The following VPS50 variants were observed in gnomAD, a reference collection of about 807,000 sequenced individuals.
The protein encoded by VPS50 is syndetin.
Under a neutral mutation model 139.7 loss-of-function variants are expected in VPS50, and 70 were observed. That is an observed-to-expected ratio of 0.50 (90% CI 0.41 to 0.61). VPS50 has a LOEUF of 0.61. Ranked by LOEUF, VPS50 falls within the 20% of genes least tolerant of loss-of-function variation. The pLI is 0.00. For missense variants in VPS50, 921 were observed against 1,133.7 expected, an observed-to-expected ratio of 0.81 and a Z score of 2.69; for synonymous variants, 365 against 376.7, an observed-to-expected ratio of 0.97 and a Z score of 0.36.
intron 19 of VPS50, among the ~76,000 whole-genome samples, chr7:93,310,223 A>G (rs1797228261): frequency 6.6e-6 from 1 of 152,024 alleles, no homozygotes; most frequent in Admixed American, 6.6e-5. Context: ...GGAGCCCCCT[A>G]AACTTTTTAC....
intron 14 of VPS50, among the ~76,000 whole-genome samples, chr7:93,295,847 C>G (rs958956521): frequency 1.3e-5 from 2 of 152,058 alleles, no homozygotes; most frequent in African/African-American, 4.8e-5. Context: ...GCCTCAGCCT[C>G]CTGAGTAGCT....
rs770973729 is a variant in VPS50, at chr7:93,240,261, TC to T, written c.102+328del. Among the ~76,000 whole-genome samples, 160 of 146,790 alleles carry T rather than the reference TC, an allele frequency of 1.1e-3. 1 individual carries two copies. The highest frequency in any genetic ancestry group is 3.5e-3 in the African/African-American group (136 of 38,520). On this transcript the variant is annotated intron_variant, in intron 2 of 27. Coordinates refer to ENST00000305866, the MANE Select transcript of VPS50 (RefSeq NM_017667.4). ...CACACACACACACACTCTCTCTCTC[TC>T]TCTCTCTCATTGATTTATCTGCTGT...
intron 16 of VPS50, among the ~76,000 whole-genome samples, chr7:93,297,589 G>A (rs1796847713): frequency 6.6e-6 from 1 of 152,140 alleles, no homozygotes; most frequent in South Asian, 2.1e-4. Flanking sequence ...AGTTAAATCA[G>A]TAGAGGCAGT....
At chr7:93,289,447 A>C (rs1796586548) in intron 12 of VPS50, among the ~76,000 whole-genome samples, 1 of 152,002 alleles carries the variant, frequency 6.6e-6, no homozygotes, top group Admixed American at 6.6e-5. Context: ...TATGTTGTGA[A>C]TATTTTACAG....
In VPS50 at chr7:93,360,595, A is replaced by G. The variant is rs1286072354; in HGVS notation, c.*2159A>G. On this transcript the variant is annotated 3_prime_UTR_variant, in exon 28 of 28. Transcript: ENST00000305866. ...ATTTTATGAAACTAATTTTCAGATA[A>G]ATACAATTGAAAAGCTGAGAATGTA... 2 of 152,028 alleles carry G rather than the reference A, an allele frequency of 1.3e-5. No homozygotes were observed. Among genetic ancestry groups the G allele is most frequent in the Non-Finnish European group, 2.9e-5 (2 of 67,976 alleles). 9.4% of individuals were successfully genotyped at this position (152,028 alleles called of 1,614,324 possible).
chr7:93,241,442 A>G (rs562820955), intron 2 of VPS50, among the ~76,000 whole-genome samples: 3 of 152,224 alleles, frequency 2.0e-5, no homozygotes, highest in African/African-American at 7.2e-5. Context: ...TTTAGCACAT[A>G]CTAAGAAGCT....
chr7:93,323,869 T>C (rs1216648480), intron 21 of VPS50, 137 bp downstream of exon 21: 1 of 385,294 alleles, frequency 2.6e-6, no homozygotes, highest in East Asian at 4.1e-5. Flanking sequence ...AAATTATTGA[T>C]ATCAGCCTTC....
chr7:93,345,340 G>T (rs1422966553), intron 23 of VPS50, among the ~76,000 whole-genome samples: 6 of 152,068 alleles, frequency 3.9e-5, no homozygotes, highest in Non-Finnish European at 5.9e-5. Flanking sequence ...ATAATCAATA[G>T]CTTACCAACG....
At chr7:93,251,855 A>G (rs998686069) in intron 2 of VPS50, among the ~76,000 whole-genome samples, 29 of 152,218 alleles carry the variant, frequency 1.9e-4, no homozygotes, top group African/African-American at 5.1e-4. Context: ...TGATATGTCT[A>G]TAATGTCTTG....
rs115864719 is a variant in VPS50 at position 93,262,152 on chromosome 7, A to G, written c.659+2520A>G. ...GATTATAGCAGAGATTGACTTTGAAAAGGTCACTGTCTGTTATAATAGGAA... is the reference window on the plus strand; with the variant it reads ...GATTATAGCAGAGATTGACTTTGAAGAGGTCACTGTCTGTTATAATAGGAA... On this transcript the variant is annotated intron_variant, in intron 9 of 27. Coordinates refer to ENST00000305866, the MANE Select transcript of VPS50 (RefSeq NM_017667.4). 3.5e-3 allele frequency among the ~76,000 whole-genome samples: 534 copies of G among 152,320 alleles called. 1 individual carries two copies. Among genetic ancestry groups the G allele is most frequent in the African/African-American group, 0.012 (516 of 41,572 alleles).
chr7:93,296,252 C>T (rs1176845897), intron 14 of VPS50, among the ~76,000 whole-genome samples: 2 of 151,986 alleles, frequency 1.3e-5, no homozygotes, highest in East Asian at 3.8e-4. Context: ...ATATTAAACT[C>T]ATAACCATAT....
At chr7:93,343,727 C>T (rs1321343873) in intron 23 of VPS50, among the ~76,000 whole-genome samples, 1 of 152,122 alleles carries the variant, frequency 6.6e-6, no homozygotes, top group Admixed American at 6.5e-5. Flanking sequence ...TCCAGCCAAA[C>T]TAAGCTTCAT....
intron 12 of VPS50, among the ~76,000 whole-genome samples, chr7:93,284,906 T>C (rs1289810077): frequency 6.6e-6 from 1 of 152,312 alleles, no homozygotes; most frequent in East Asian, 1.9e-4. Flanking sequence ...AAGATAATCA[T>C]ATTTCATACA....
intron 1 of VPS50, among the ~76,000 whole-genome samples, chr7:93,234,654 T>C (rs1210286954): frequency 6.6e-6 from 1 of 152,232 alleles, no homozygotes; most frequent in Non-Finnish European, 1.5e-5. Flanking sequence ...TACAAGTAAG[T>C]ATACATGAAA....
chr7:93,278,521 A>G (rs1262224191), intron 12 of VPS50, among the ~76,000 whole-genome samples: 4 of 145,300 alleles, frequency 2.8e-5, no homozygotes. Flanking sequence ...TGCTTGAACC[A>G]GGGAGGTGGA....
chr7:93,245,559 C>T (rs561929531), intron 2 of VPS50, among the ~76,000 whole-genome samples: 2 of 151,966 alleles, frequency 1.3e-5, no homozygotes, highest in African/African-American at 4.8e-5. Flanking sequence ...CCAGAAAGGA[C>T]AGGCATGTGA....
intron 20 of VPS50, among the ~76,000 whole-genome samples, chr7:93,315,933 G>A (rs1304499332): frequency 2.6e-5 from 4 of 151,318 alleles, no homozygotes; most frequent in East Asian, 1.9e-4. Context: ...TACTTAAGGA[G>A]TTCAACAAGG....
intron 9 of VPS50, among the ~76,000 whole-genome samples, chr7:93,260,677 T>TTTTG (rs150715097): frequency 9.9e-5 from 15 of 151,416 alleles, no homozygotes; most frequent in South Asian, 4.2e-4. Context: ...TTACATGTTT[T>TTTTG]TTTGTTTGTT....
chr7:93,251,539 G>T (rs1212732217), intron 2 of VPS50, among the ~76,000 whole-genome samples: 1 of 151,908 alleles, frequency 6.6e-6, no homozygotes, highest in Non-Finnish European at 1.5e-5. Context: ...CTAGGGGAGG[G>T]ATAGCATTAG....
Sources: gnomAD v4.1 joint callset for allele counts (sites outside exome capture counted in the v4.1 genomes callset) on GRCh38, gnomAD v4.1.1 for gene constraint, MANE v1.5 for transcripts, NCBI Gene and HGNC (gene_info 2026-07-23, HGNC 2026-07-21) for gene names.